TCERG1L: variants seen among roughly 807,000 people sequenced by gnomAD.
TCERG1L encodes the protein transcription elongation regulator 1 like.
Under a neutral mutation model 56.3 loss-of-function variants are expected in TCERG1L, and 37 were observed. That is an observed-to-expected ratio of 0.66 (90% CI 0.51 to 0.87). The LOEUF (loss-of-function observed/expected upper bound fraction) is 0.87, where lower values mean the gene tolerates loss of function less well. TCERG1L is among the 40% of genes least tolerant of loss of function. The pLI is 0.00. For synonymous variants in TCERG1L, 324 were observed against 326.3 expected (o/e 0.99, Z 0.08); for missense variants, 799 against 774.2 (o/e 1.03, Z -0.38).
Position 131,112,154 on chromosome 10 carries a change from G to C in TCERG1L, c.1395+4645C>G, listed in dbSNP as rs576381077. ...GGCACTCCCAGTGGCCACATGAAGAGGGTTCAAAAATCTCCCTGGGGCCTG... is the reference window on the plus strand; with the variant it reads ...GGCACTCCCAGTGGCCACATGAAGACGGTTCAAAAATCTCCCTGGGGCCTG... On this transcript the variant is annotated intron_variant, in intron 9 of 11. Coordinates refer to ENST00000368642, the MANE Select transcript of TCERG1L (RefSeq NM_174937.4). Among the ~76,000 whole-genome samples, 6 of 143,254 alleles carry C rather than the reference G, an allele frequency of 4.2e-5. 2 individuals are homozygous for C. In the East Asian group the frequency reaches 1.4e-3, roughly 34 times the overall value. 94.0% of individuals were successfully genotyped at this position (143,254 alleles called of 152,430 possible).
chr10:131,114,365 C>A (rs1845434551), intron 9 of TCERG1L, among the ~76,000 whole-genome samples: 1 of 141,532 alleles, frequency 7.1e-6, no homozygotes, highest in South Asian at 2.6e-4. Context: ...GGTGGCATTG[C>A]TTTATAATAT....
At chr10:131,161,126 A>G (rs148413771) in intron 6 of TCERG1L, 1 of 152,328 alleles carries the variant, frequency 6.6e-6, no homozygotes, top group Non-Finnish European at 1.5e-5. Context: ...TGGACTGACC[A>G]CACATACCAT....
chr10:131,112,518 C>T (rs2034166764), intron 9 of TCERG1L, among the ~76,000 whole-genome samples: 2 of 142,514 alleles, frequency 1.4e-5, no homozygotes, highest in South Asian at 5.1e-4. Flanking sequence ...CACTCTGCGG[C>T]CCTCTTCTCC....
intron 8 of TCERG1L, among the ~76,000 whole-genome samples, chr10:131,121,667 A>G (rs989985739): frequency 1.3e-5 from 2 of 151,986 alleles, no homozygotes; most frequent in Admixed American, 6.5e-5. Flanking sequence ...ACCCGTGCTC[A>G]TAATGGGCTG....
At position 131,280,516 on chromosome 10, in the gene TCERG1L, G is replaced by A. The variant is rs143182966; in HGVS notation, c.671-20072C>T. Among the ~76,000 whole-genome samples, 287 of 151,918 alleles carry A rather than the reference G, an allele frequency of 1.9e-3. 1 individual carries two copies. Among genetic ancestry groups the A allele is most frequent in the African/African-American group, 6.7e-3 (276 of 41,396 alleles). ...GTTCCTGATGAGCCTCTCCAAAGGA[G>A]GCATACAGAGATGCACTTATCTCAG... On this transcript the variant is annotated intron_variant, in intron 3 of 11. Transcript: ENST00000368642.
intron 4 of TCERG1L, among the ~76,000 whole-genome samples, chr10:131,236,663 T>A (rs1042918057): frequency 1.3e-5 from 2 of 152,144 alleles, no homozygotes; most frequent in Non-Finnish European, 2.9e-5. Context: ...ATCAGCTCTC[T>A]CCCTCCTTGG....
At chr10:131,200,302 G>A (rs534088848) in intron 4 of TCERG1L, among the ~76,000 whole-genome samples, 2 of 152,330 alleles carry the variant, frequency 1.3e-5, no homozygotes, top group South Asian at 4.1e-4. Flanking sequence ...GAGGACAGAA[G>A]TCCAAGGCCA....
At chr10:131,287,959 GAT>G (rs1380110121) in intron 3 of TCERG1L, among the ~76,000 whole-genome samples, 3 of 152,114 alleles carry the variant, frequency 2.0e-5, no homozygotes, top group African/African-American at 7.2e-5. Flanking sequence ...AATTTTAAAC[GAT>G]AGACTAGAAG....
chr10:131,183,737 C>T (rs772164555), intron 4 of TCERG1L, among the ~76,000 whole-genome samples: 1 of 152,222 alleles, frequency 6.6e-6, no homozygotes, highest in African/African-American at 2.4e-5. Flanking sequence ...TGGACACTGT[C>T]CACACTCCCA....
intron 4 of TCERG1L, among the ~76,000 whole-genome samples, chr10:131,225,658 G>A (rs1845783821): frequency 6.6e-6 from 1 of 152,114 alleles, no homozygotes; most frequent in African/African-American, 2.4e-5. Flanking sequence ...TGAAGTAGCA[G>A]AGGACACAGA....
chr10:131,142,377 C>G (rs1026848173), intron 7 of TCERG1L, among the ~76,000 whole-genome samples: 1 of 152,218 alleles, frequency 6.6e-6, no homozygotes, highest in Non-Finnish European at 1.5e-5. Flanking sequence ...ATCCAGTGTG[C>G]GCTGTCTTCT....
intron 4 of TCERG1L, among the ~76,000 whole-genome samples, chr10:131,246,357 G>A (rs932816443): frequency 6.6e-5 from 10 of 152,130 alleles, no homozygotes; most frequent in Non-Finnish European, 1.0e-4. Context: ...AGAGAAGAGG[G>A]GCAGGTGTGT....
At chr10:131,220,398 G>A (rs559098794) in intron 4 of TCERG1L, among the ~76,000 whole-genome samples, 1 of 152,208 alleles carries the variant, frequency 6.6e-6, no homozygotes, top group Non-Finnish European at 1.5e-5. Flanking sequence ...ACGCAGGACT[G>A]ACCATTCAGA....
chr10:131,135,221 C>T (rs1323968755), intron 7 of TCERG1L, among the ~76,000 whole-genome samples: 1 of 152,136 alleles, frequency 6.6e-6, no homozygotes, highest in Non-Finnish European at 1.5e-5. Context: ...GCTTATTCCG[C>T]CCCGCCCAGC....
intron 8 of TCERG1L, among the ~76,000 whole-genome samples, chr10:131,123,773 G>A (rs1327806854): frequency 6.6e-6 from 1 of 152,188 alleles, no homozygotes; most frequent in Non-Finnish European, 1.5e-5. Flanking sequence ...GGTGAGAGCA[G>A]GTTCCTGCCC....
chr10:131,159,097 A>C (rs985536573), intron 6 of TCERG1L, among the ~76,000 whole-genome samples: 11 of 152,242 alleles, frequency 7.2e-5, no homozygotes, highest in African/African-American at 2.4e-4. Context: ...TCTGCGGGGC[A>C]GGTGGGTTCT....
In TCERG1L at chr10:131,163,166, T is replaced by A. The variant is rs1194390260; in HGVS notation, c.990A>T (p.Arg330Ser). 6.3e-7 allele frequency: 1 copy of A among 1,576,378 alleles called. No homozygotes were observed. The change falls in exon 6 of 12, where the codon AGA becomes AGT. Residue 330 changes from arginine (R) to serine (S), a missense_variant. Arg to Ser is a moderately radical substitution (Grantham distance 110). Transcript: ENST00000368642. ...GGGTGGAGGCCACTGGCCTGTTGCC[T>A]CTGGCTGTGCTGTCCTCTCCTCCCC... ...MLGGGEDSTA[R>S]GNRPVASTPV...
chr10:131,170,097 C>T (rs1048083833), intron 4 of TCERG1L, among the ~76,000 whole-genome samples: 3 of 152,168 alleles, frequency 2.0e-5, no homozygotes, highest in Middle Eastern at 3.4e-3. Flanking sequence ...TGTGCCTTGC[C>T]CTAAATAGTT....
At chr10:131,305,052 G>A (rs1056441899) in intron 3 of TCERG1L, among the ~76,000 whole-genome samples, 12 of 152,144 alleles carry the variant, frequency 7.9e-5, no homozygotes, top group African/African-American at 2.7e-4. Flanking sequence ...GAATTCATTC[G>A]ACTCTTCCTG....
Sources: allele counts gnomAD v4.1 joint callset (sites outside exome capture counted in the v4.1 genomes callset), GRCh38; gene constraint gnomAD v4.1.1; transcripts MANE v1.5; gene names NCBI Gene and HGNC (gene_info 2026-07-23, HGNC 2026-07-21).